The following NAA25 variants were observed in gnomAD, a reference collection of about 807,000 sequenced individuals.
NAA25 encodes N-alpha-acetyltransferase 25, NatB auxiliary subunit.
Under a neutral mutation model 132.5 loss-of-function variants are expected in NAA25, and 30 were observed. The ratio of observed to expected loss-of-function variants is 0.23; its 90% confidence interval spans 0.17 to 0.31. NAA25 has a LOEUF of 0.31. Ranked by LOEUF, NAA25 falls within the 10% of genes least tolerant of loss-of-function variation. The pLI is 1.00. For missense variants in NAA25, 771 were observed against 1,150.4 expected, an observed-to-expected ratio of 0.67 and a Z score of 4.77; for synonymous variants, 359 against 401.9, an observed-to-expected ratio of 0.89 and a Z score of 1.28.
At chr12:112,077,016 A>C (rs756819422) in intron 7 of NAA25, among the ~76,000 whole-genome samples, 11 of 140,226 alleles carry the variant, frequency 7.8e-5, no homozygotes, top group South Asian at 2.2e-4. Flanking sequence ...ACAACAACAA[A>C]AAAAAACAAG....
intron 10 of NAA25, among the ~76,000 whole-genome samples, chr12:112,069,818 T>G (rs1334593100): frequency 8.1e-6 from 1 of 123,134 alleles, no homozygotes; most frequent in Non-Finnish European, 1.6e-5. Context: ...AGACTCCATC[T>G]CAAAAAAAAA....
chr12:112,061,228 C>T lies in NAA25; in HGVS notation c.1310G>A (p.Ser437Asn), dbSNP rs1489852343. ...YHTMDKNQKL[S>N]VVRELMLRYQ... Reference sequence around the variant, plus strand: ...CCTTAACATCAATTCTCTGACCACACTCAATTTCTGATTTTTATCCATGGT... The same window carrying T: ...CCTTAACATCAATTCTCTGACCACATTCAATTTCTGATTTTTATCCATGGT... The change falls in exon 12 of 24, where the codon AGT (serine) becomes AAT (asparagine). Residue 437 changes from serine to asparagine, a missense_variant. By Grantham distance (46) the Ser-to-Asn change is conservative (BLOSUM62 1). Transcript: ENST00000261745. 24 of 1,613,936 alleles carry T rather than the reference C, an allele frequency of 1.5e-5. No homozygotes were observed. The highest frequency in any genetic ancestry group is 2.2e-5 in the East Asian group (1 of 44,886).
At chr12:112,048,140 G>A (rs977421712) in intron 16 of NAA25, 152 bp downstream of exon 16, 13 of 716,870 alleles carry the variant, frequency 1.8e-5, no homozygotes, top group Non-Finnish European at 2.7e-5. Context: ...CATTCCCCAT[G>A]ACATGTGCCA....
intron 13 of NAA25, among the ~76,000 whole-genome samples, chr12:112,058,810 G>C (rs2078583064): frequency 6.6e-6 from 1 of 152,090 alleles, no homozygotes; most frequent in Non-Finnish European, 1.5e-5. Context: ...TGTAATCCTA[G>C]CACTTTGGGA....
chr12:112,097,018 C>G lies in NAA25; in HGVS notation c.59-3882G>C, dbSNP rs957718388. ...TATAATGTACCTACTTGCCCATGCC[C>G]TCTTGTCTGGAAATGGTTTCCAGTG... is the stretch of plus-strand genomic sequence containing the variant. On this transcript the variant is annotated intron_variant, in intron 1 of 23. Coordinates refer to ENST00000261745, the MANE Select transcript of NAA25 (RefSeq NM_024953.4). Among the ~76,000 whole-genome samples, 10 of 152,158 alleles carry G rather than the reference C, an allele frequency of 6.6e-5. 1 individual carries two copies. Among genetic ancestry groups the G allele is most frequent in the African/African-American group, 2.4e-5 (1 of 41,442 alleles).
intron 1 of NAA25, among the ~76,000 whole-genome samples, chr12:112,105,320 A>G (rs1260064627): frequency 2.0e-5 from 3 of 152,142 alleles, no homozygotes; most frequent in Non-Finnish European, 2.9e-5. Flanking sequence ...AAAAATAACG[A>G]AAGAAGGCAC....
At chr12:112,045,207 T>A (rs1240310354) in intron 17 of NAA25, among the ~76,000 whole-genome samples, 1 of 152,094 alleles carries the variant, frequency 6.6e-6, no homozygotes, top group Non-Finnish European at 1.5e-5. Context: ...AAATAGCGGG[T>A]GTGGCCCGGT....
At chr12:112,071,339 A>T (rs1288814458) in intron 10 of NAA25, among the ~76,000 whole-genome samples, 1 of 151,218 alleles carries the variant, frequency 6.6e-6, no homozygotes. Context: ...TTATTTTTTT[A>T]AATTAAATTT....
intron 17 of NAA25, among the ~76,000 whole-genome samples, chr12:112,047,244 T>C (rs2136822865): frequency 6.6e-6 from 1 of 151,540 alleles, no homozygotes; most frequent in Middle Eastern, 3.4e-3. Flanking sequence ...TTTTTTTTTT[T>C]TTTGGAGATG....
chr12:112,063,754 A>T (rs1207663189), intron 11 of NAA25, among the ~76,000 whole-genome samples: 1 of 152,230 alleles, frequency 6.6e-6, no homozygotes, highest in Non-Finnish European at 1.5e-5. Context: ...AAATTATTAA[A>T]TAAGAAAATA....
At position 112,027,950 on chromosome 12, in the gene NAA25, G is replaced by GT. The variant is rs2078104639; in HGVS notation, c.*1580dup. 1 of 152,224 alleles carries GT rather than the reference G, an allele frequency of 6.6e-6. No individual in the cohort carries two copies. Among genetic ancestry groups the GT allele is most frequent in the African/African-American group, 2.4e-5 (1 of 41,452 alleles). 9.4% of individuals were successfully genotyped at this position (152,224 alleles called of 1,614,324 possible). Reference sequence around the variant, plus strand: ...TATCAAAAATAAATTTTTGAAATTAGTTGATGGACTAGGATTTCCAACAAG... The same window carrying GT: ...TATCAAAAATAAATTTTTGAAATTAGTTTGATGGACTAGGATTTCCAACAAG... On this transcript the variant is annotated 3_prime_UTR_variant, in exon 24 of 24. Coordinates refer to ENST00000261745, the MANE Select transcript of NAA25 (RefSeq NM_024953.4).
intron 23 of NAA25, among the ~76,000 whole-genome samples, chr12:112,031,749 C>T (rs2078153027): frequency 6.6e-6 from 1 of 151,782 alleles, no homozygotes; most frequent in Admixed American, 6.6e-5. Context: ...GCCCTGCCAA[C>T]TGTGTCACAC....
Position 112,108,763 on chromosome 12 carries a change from C to A in NAA25, c.11G>T (p.Arg4Leu). The A allele has an allele frequency of 2.6e-6, 4 of 1,524,718 alleles. No individual in the cohort carries two copies. The highest frequency in any genetic ancestry group is 1.2e-5 in the South Asian group (1 of 81,748). The allele number at this position is 1,524,718 out of a possible 1,614,324, so 94.4% of individuals were successfully genotyped here. ...GTCGTTAGGGTCCTGCACATGGCCC[C>A]GCGTCGCCATGATGACAAGCGCAGA... is the stretch of plus-strand genomic sequence containing the variant. MAT[R>L]GHVQDPNDRR... Residue 4 changes from arginine (R) to leucine (L), a missense_variant, in exon 1 of 24, where the codon CGG (arginine) becomes CTG (leucine). Around this residue, in one of 3 missense-constraint regions of NAA25, gnomAD observed 30 missense variants for 16.6 expected, o/e 1.81. Transcript: ENST00000261745.
intron 17 of NAA25, among the ~76,000 whole-genome samples, chr12:112,045,869 G>C (rs2078373758): frequency 6.6e-6 from 1 of 152,130 alleles, no homozygotes; most frequent in South Asian, 2.1e-4. Flanking sequence ...GTATGCAACA[G>C]AGGCTCCATC....
intron 22 of NAA25, among the ~76,000 whole-genome samples, chr12:112,038,058 G>C (rs972035690): frequency 1.3e-5 from 2 of 152,126 alleles, no homozygotes; most frequent in Non-Finnish European, 1.5e-5. Context: ...CTGTCATCCA[G>C]ACTGGAGTGC....
At chr12:112,089,336 T>C (rs61941319) in intron 3 of NAA25, among the ~76,000 whole-genome samples, 6,303 of 152,298 alleles carry the variant, frequency 0.041, 188 homozygotes, top group South Asian at 0.077. Flanking sequence ...TTGACAAGCA[T>C]GTAAGCAATC....
rs140732467 is a variant in NAA25, at chr12:112,043,611, T to C, written c.2250+14A>G. ...ATTATTGCAACTTTGATGGTAAATA[T>C]GTATTGATGGTACCTGAATATCCTT... On this transcript the variant is annotated intron_variant, in intron 18 of 23. Transcript: ENST00000261745. 1.4e-5 allele frequency: 23 copies of C among 1,611,830 alleles called. No individual in the cohort carries two copies. In the South Asian group the frequency reaches 1.9e-4, roughly 13 times the overall value.
At chr12:112,079,550 T>C (rs915187866) in intron 5 of NAA25, among the ~76,000 whole-genome samples, 1 of 151,538 alleles carries the variant, frequency 6.6e-6, no homozygotes. Flanking sequence ...GTCATGCCAC[T>C]GCACTCCAGC....
rs1218024763 is a variant in NAA25, at chr12:112,098,533, CT to C, written c.59-5398del. Among the ~76,000 whole-genome samples, 4 of 152,126 alleles carry C rather than the reference CT, an allele frequency of 2.6e-5. No homozygotes were observed. In the South Asian group the frequency reaches 6.2e-4, roughly 24 times the overall value. On this transcript the variant is annotated intron_variant, in intron 1 of 23. Coordinates refer to ENST00000261745, the MANE Select transcript of NAA25 (RefSeq NM_024953.4). Reference sequence around the variant, plus strand: ...TCCTAAATCTGTCTTCTTAGTAAGTCTTTTTAAAAAGCTACTCAAGGGGAAT... The same window carrying C: ...TCCTAAATCTGTCTTCTTAGTAAGTCTTTTAAAAAGCTACTCAAGGGGAAT...
Sources: allele counts gnomAD v4.1 joint callset (sites outside exome capture counted in the v4.1 genomes callset), GRCh38; gene constraint gnomAD v4.1.1; regional missense constraint gnomAD v4.1.1; transcripts MANE v1.5; gene names NCBI Gene and HGNC (gene_info 2026-07-23, HGNC 2026-07-21).